Variants in SLC13A3 observed in about 807,000 individuals in gnomAD.
SLC13A3 encodes the protein solute carrier family 13 member 3, also known as Na(+)/dicarboxylate cotransporter 3.
In SLC13A3, 40 loss-of-function variants were observed where a neutral mutation model predicts 59.0. The ratio of observed to expected loss-of-function variants is 0.68; its 90% confidence interval spans 0.53 to 0.88. The LOEUF (loss-of-function observed/expected upper bound fraction) is 0.88, where lower values mean the gene tolerates loss of function less well. Among genes scored for constraint, SLC13A3 ranks in the 40% least tolerant of loss-of-function variants. The pLI, the probability that SLC13A3 is intolerant of heterozygous loss-of-function variation, is 0.00. For missense variants in SLC13A3, 699 were observed against 783.2 expected (o/e 0.89, Z 1.28); for synonymous variants, 317 against 330.3 (o/e 0.96, Z 0.44).
Position 46,600,029 on chromosome 20 carries a change from G to A in SLC13A3, c.550C>T (p.Arg184Trp), listed in dbSNP as rs750597640. Reference protein sequence around the residue: ...QESEENTAAVRRNGLHTVPTE... With the variant: ...QESEENTAAVWRNGLHTVPTE... ...GGCACAGTGTGTAGGCCGTTTCTCC[G>A]CACAGCAGCTAGGAGGAAAGAGCAT... Residue 184 changes from arginine (R) to tryptophan (W), a missense_variant, in exon 4 of 13, where the codon CGG becomes TGG. Transcript: ENST00000279027. 9 of 1,560,994 alleles carry A rather than the reference G, an allele frequency of 5.8e-6. No homozygotes were observed. Among genetic ancestry groups the A allele is most frequent in the South Asian group, 2.4e-5 (2 of 84,534 alleles).
chr20:46,646,871 G>A (rs2062899885), intron 1 of SLC13A3, among the ~76,000 whole-genome samples: 1 of 152,176 alleles, frequency 6.6e-6, no homozygotes, highest in Non-Finnish European at 1.5e-5. Context: ...GACTTGCCCA[G>A]CAAGTATGTG....
At chr20:46,592,631 T>C in intron 5 of SLC13A3, 102 bp from the exon 6 acceptor site, 2 of 1,176,054 alleles carry the variant, frequency 1.7e-6, no homozygotes, top group South Asian at 2.7e-5. Context: ...GGAGGAGGAA[T>C]GAGAGGGTCC....
In SLC13A3 at chr20:46,584,016, G is replaced by A. The variant is rs113068912; in HGVS notation, c.1122-347C>T. 2,027 of 985,350 alleles carry A rather than the reference G, an allele frequency of 2.1e-3. 33 individuals carry two copies. In the African/African-American group the frequency reaches 0.032, roughly 16 times the overall value. The allele number at this position is 985,350 out of a possible 1,614,324, so 61.0% of individuals were successfully genotyped here. A position where few individuals can be genotyped will look rare whatever the true frequency, so the allele number is the denominator to read the frequency against. On this transcript the variant is annotated intron_variant, in intron 8 of 12. Transcript: ENST00000279027. Reference sequence around the variant, plus strand: ...ATAAATCACCCTCACCGGGACTCCTGTAAGAGCCCTGTCTTTGTTCAGCTT... The same window carrying A: ...ATAAATCACCCTCACCGGGACTCCTATAAGAGCCCTGTCTTTGTTCAGCTT...
At chr20:46,580,363 T>C (rs1385271653) in intron 9 of SLC13A3, among the ~76,000 whole-genome samples, 1 of 151,898 alleles carries the variant, frequency 6.6e-6, no homozygotes, top group Non-Finnish European at 1.5e-5. Flanking sequence ...GGGCCATGTG[T>C]TTCTTGAGAC....
chr20:46,571,094 C>T (rs1236805346), intron 10 of SLC13A3, among the ~76,000 whole-genome samples: 1 of 152,102 alleles, frequency 6.6e-6, no homozygotes, highest in Non-Finnish European at 1.5e-5. Flanking sequence ...GGGGGAAAAG[C>T]CCCTTACAAA....
intron 9 of SLC13A3, among the ~76,000 whole-genome samples, chr20:46,576,180 G>T (rs2062074465): frequency 6.6e-6 from 1 of 152,056 alleles, no homozygotes. Context: ...CAAACTTTCT[G>T]CAGGGGGTTA....
intron 9 of SLC13A3, chr20:46,582,926 G>T (rs2062152719): frequency 2.0e-6 from 2 of 985,232 alleles, no homozygotes. Context: ...TTGGTTAGAG[G>T]TACTCAGTGA....
intron 1 of SLC13A3, among the ~76,000 whole-genome samples, chr20:46,644,640 T>C (rs1204087793): frequency 6.6e-6 from 1 of 152,076 alleles, no homozygotes; most frequent in East Asian, 1.9e-4. Context: ...TTCAGAGAGG[T>C]GAAGACACTC....
chr20:46,649,120 A>C (rs987775818), intron 1 of SLC13A3, among the ~76,000 whole-genome samples: 1 of 152,148 alleles, frequency 6.6e-6, no homozygotes, highest in African/African-American at 2.4e-5. Context: ...ACATGGGACA[A>C]GCCTGACAAG....
chr20:46,566,199 T>C (rs766702524), intron 11 of SLC13A3, 30 bp downstream of exon 11: 1 of 1,579,778 alleles, frequency 6.3e-7, no homozygotes, highest in East Asian at 2.3e-5. Context: ...GGGGGAGGGG[T>C]GCTCCCCTCT....
At chr20:46,617,351 C>T (rs2425880) in intron 1 of SLC13A3, among the ~76,000 whole-genome samples, 27,784 of 152,046 alleles carry the variant, frequency 0.18, 2,759 homozygotes, top group East Asian at 0.43. Flanking sequence ...ATAAACAGTT[C>T]TTAGTCAGGT....
At chr20:46,589,609 T>C (rs2062232953) in intron 6 of SLC13A3, among the ~76,000 whole-genome samples, 1 of 152,164 alleles carries the variant, frequency 6.6e-6, no homozygotes, top group Admixed American at 6.5e-5. Flanking sequence ...CTATCTCAGA[T>C]TGGTGTGGAA....
Position 46,592,534 on chromosome 20 carries a change from A to G in SLC13A3, c.795-5T>C. On this transcript the variant is annotated splice_polypyrimidine_tract_variant and splice_region_variant and intron_variant, in intron 5 of 12. Coordinates refer to ENST00000279027, the MANE Select transcript of SLC13A3 (RefSeq NM_022829.6). ...ACGTCACACTGCGGAAAGAAACTGG[A>G]GAACAGCGGGAGATGAGAACAGGCC... 6.2e-6 allele frequency: 10 copies of G among 1,613,314 alleles called. No individual in the cohort carries two copies. Among genetic ancestry groups the G allele is most frequent in the Non-Finnish European group, 6.8e-6 (8 of 1,179,474 alleles).
intron 10 of SLC13A3, among the ~76,000 whole-genome samples, chr20:46,567,025 G>A (rs531347542): frequency 5.9e-5 from 9 of 151,990 alleles, no homozygotes; most frequent in East Asian, 1.9e-4. Flanking sequence ...CCAACCTGGC[G>A]AAACCCTGCC....
intron 3 of SLC13A3, among the ~76,000 whole-genome samples, chr20:46,600,769 G>T (rs1013577622): frequency 3.3e-5 from 5 of 152,226 alleles, no homozygotes; most frequent in Non-Finnish European, 7.3e-5. Flanking sequence ...AAGGCCCCTG[G>T]CTTCCATGGA....
chr20:46,577,815 C>T (rs2062094154), intron 9 of SLC13A3, among the ~76,000 whole-genome samples: 1 of 152,192 alleles, frequency 6.6e-6, no homozygotes, highest in African/African-American at 2.4e-5. Flanking sequence ...CTCTGCTGTG[C>T]CCCAACTGTG....
chr20:46,614,841 A>G (rs1328229945), intron 1 of SLC13A3, among the ~76,000 whole-genome samples: 1 of 152,186 alleles, frequency 6.6e-6, no homozygotes, highest in Non-Finnish European at 1.5e-5. Flanking sequence ...ATTAGACCCA[A>G]TGAAAGGCAG....
rs142106702 is a variant in SLC13A3, at chr20:46,680,198, C to A, written c.-31+4198G>T. 6.6e-5 allele frequency among the ~76,000 whole-genome samples: 10 copies of A among 152,294 alleles called. No homozygotes were observed. The East Asian group carries it at 1.7e-3, about 26-fold the overall frequency. On this transcript the variant is annotated intron_variant, in intron 1 of 6. Transcript: ENST00000372121. ...TGCAGATTCTCAGGCCAGTCTCAGA[C>A]CTTTGATTCAGAAGCTTTGGAATGG...
rs570904903 is a variant in SLC13A3 at position 46,683,999 on chromosome 20, G to A, written c.-31+397C>T. The stretch of plus-strand genomic sequence containing the variant: ...CAGGTATCACCCTGTTAAAAACCCT[G>A]AGTCCCATTAAGAACAAAACCCAAC... On this transcript the variant is annotated intron_variant, in intron 1 of 6. Transcript: ENST00000372121. Among the ~76,000 whole-genome samples, 6 of 152,232 alleles carry A rather than the reference G, an allele frequency of 3.9e-5. 1 individual carries two copies. The South Asian group carries it at 1.2e-3, about 32-fold the overall frequency.
Sources: gnomAD v4.1 joint callset for allele counts (sites outside exome capture counted in the v4.1 genomes callset) on GRCh38, gnomAD v4.1.1 for gene constraint, MANE v1.5 for transcripts, NCBI Gene and HGNC (gene_info 2026-07-23, HGNC 2026-07-21) for gene names.